The following TLL2 variants were observed in gnomAD, a reference collection of about 807,000 sequenced individuals.
The protein encoded by TLL2 is tolloid like 2.
Under a neutral mutation model 123.0 loss-of-function variants are expected in TLL2, and 106 were observed. The observed-to-expected ratio is 0.86, with a 90% confidence interval of 0.74 to 1.01. The LOEUF (loss-of-function observed/expected upper bound fraction) is 1.01. Ranked by LOEUF, TLL2 falls within the 50% of genes least tolerant of loss-of-function variation. The probability of loss-of-function intolerance (pLI) is 0.00; values close to 1 mark genes in which losing one functional copy is unlikely to be tolerated. For missense variants in TLL2, 1,332 were observed against 1,336.7 expected, an observed-to-expected ratio of 1.00 and a Z score of 0.06; for synonymous variants, 494 against 516.8, an observed-to-expected ratio of 0.96 and a Z score of 0.60.
intron 1 of TLL2, among the ~76,000 whole-genome samples, chr10:96,499,126 A>G (rs890027640): frequency 1.3e-5 from 2 of 152,202 alleles, no homozygotes; most frequent in South Asian, 4.1e-4. Context: ...CAAATAGAAG[A>G]GGGGATTGCT....
At chr10:96,410,877 C>T (rs888931866) in intron 8 of TLL2, among the ~76,000 whole-genome samples, 2 of 152,080 alleles carry the variant, frequency 1.3e-5, no homozygotes, top group Non-Finnish European at 2.9e-5. Context: ...GTGCTTGGCA[C>T]GTAGTGAGTG....
intron 1 of TLL2, among the ~76,000 whole-genome samples, chr10:96,482,737 A>G (rs1847323379): frequency 6.6e-6 from 1 of 152,202 alleles, no homozygotes; most frequent in Admixed American, 6.5e-5. Context: ...CTAGAACTGG[A>G]TTGTAGTTAT....
chr10:96,373,950 A>T (rs1846110670), intron 18 of TLL2, 141 bp from the exon 19 acceptor site: 2 of 687,300 alleles, frequency 2.9e-6, no homozygotes, highest in African/African-American at 1.8e-5. Context: ...TGTGGCCGTG[A>T]TGATGCTTGA....
At chr10:96,375,620 C>G (rs140323788) in intron 18 of TLL2, among the ~76,000 whole-genome samples, 1 of 152,178 alleles carries the variant, frequency 6.6e-6, no homozygotes, top group Admixed American at 6.5e-5. Flanking sequence ...AGTTTCCCCA[C>G]GGGCAGCCCA....
chr10:96,382,589 G>A (rs760574494), intron 16 of TLL2, among the ~76,000 whole-genome samples: 27 of 152,232 alleles, frequency 1.8e-4, no homozygotes, highest in Non-Finnish European at 3.4e-4. Flanking sequence ...TGAGAGATGA[G>A]GCCCTTAAAT....
chr10:96,428,503 G>T, intron 5 of TLL2, 128 bp downstream of exon 5: 1 of 653,472 alleles, frequency 1.5e-6, no homozygotes, highest in Non-Finnish European at 2.6e-6. Flanking sequence ...AGGGCAGAAA[G>T]TTTCTAGCAA....
chr10:96,476,304 C>T lies in TLL2; in HGVS notation c.286+4045G>A, dbSNP rs187029695. 3.1e-3 allele frequency among the ~76,000 whole-genome samples: 449 copies of T among 142,906 alleles called. 3 individuals carry two copies. The highest frequency in any genetic ancestry group is 0.011 in the East Asian group (51 of 4,654). The allele number at this position is 142,906 out of a possible 152,430, so 93.8% of individuals were successfully genotyped here. On this transcript the variant is annotated intron_variant, in intron 2 of 20. Transcript: ENST00000357947. ...CTCACTCTGTCACTCAGATGTAGTGCAGTGGTACGATCTTGGCTAGTGAAA... is the reference window on the plus strand; with the variant it reads ...CTCACTCTGTCACTCAGATGTAGTGTAGTGGTACGATCTTGGCTAGTGAAA...
At chr10:96,475,178 AG>A (rs1847225419) in intron 2 of TLL2, among the ~76,000 whole-genome samples, 1 of 152,222 alleles carries the variant, frequency 6.6e-6, no homozygotes, top group Non-Finnish European at 1.5e-5. Context: ...GGAGTAAGAG[AG>A]ACTAGAGGCA....
At chr10:96,384,188 A>AT (rs1846209267) in intron 16 of TLL2, among the ~76,000 whole-genome samples, 1 of 152,090 alleles carries the variant, frequency 6.6e-6, no homozygotes, top group African/African-American at 2.4e-5. Flanking sequence ...AGAGATCAGG[A>AT]TGATGCAGCT....
At chr10:96,371,313 TC>T (rs1243756063) in intron 19 of TLL2, among the ~76,000 whole-genome samples, 7 of 135,084 alleles carry the variant, frequency 5.2e-5, no homozygotes, top group African/African-American at 2.0e-4. Flanking sequence ...AGAGCAAAAC[TC>T]CGTATCAAAA....
chr10:96,498,721 T>C (rs1285184373), intron 1 of TLL2, among the ~76,000 whole-genome samples: 2 of 152,218 alleles, frequency 1.3e-5, no homozygotes, highest in Admixed American at 1.3e-4. Context: ...ACACATTCTT[T>C]GTCTCTTTTA....
intron 18 of TLL2, chr10:96,374,287 T>G (rs1846113808): frequency 5.8e-6 from 1 of 172,898 alleles, no homozygotes. Context: ...CCCTGTGATG[T>G]GTCTAATCCC....
Position 96,394,167 on chromosome 10 carries a change from G to A in TLL2, c.1726+1020C>T, listed in dbSNP as rs76409939. Among the ~76,000 whole-genome samples, 91 of 152,300 alleles carry A rather than the reference G, an allele frequency of 6.0e-4. 1 individual carries two copies. In the East Asian group the frequency reaches 0.017, roughly 29 times the overall value. ...GATTTCTGTGCTGGCTCAGCCAGGA[G>A]TCCTAGGAGAGGAGGGAAGAGGAGA... On this transcript the variant is annotated intron_variant, in intron 13 of 20. Coordinates refer to ENST00000357947, the MANE Select transcript of TLL2 (RefSeq NM_012465.4).
At chr10:96,505,612 G>A (rs1847571130) in intron 1 of TLL2, among the ~76,000 whole-genome samples, 1 of 152,166 alleles carries the variant, frequency 6.6e-6, no homozygotes, top group Admixed American at 6.5e-5. Context: ...GCCTAGGCAG[G>A]TTTGCCTACA....
At chr10:96,403,097 TAC>T (rs2134066398) in intron 10 of TLL2, among the ~76,000 whole-genome samples, 2 of 152,198 alleles carry the variant, frequency 1.3e-5, no homozygotes, top group South Asian at 4.1e-4. Context: ...GTGAGGACAA[TAC>T]ACTCTCAGCT....
intron 3 of TLL2, among the ~76,000 whole-genome samples, chr10:96,437,715 A>C (rs1285722364): frequency 2.0e-5 from 3 of 152,202 alleles, no homozygotes; most frequent in Non-Finnish European, 2.9e-5. Flanking sequence ...GATTCATCTA[A>C]GTTGTTGCCT....
chr10:96,466,777 C>T (rs1452726038), intron 2 of TLL2, among the ~76,000 whole-genome samples: 5 of 152,188 alleles, frequency 3.3e-5, no homozygotes, highest in Admixed American at 2.0e-4. Flanking sequence ...AGAACCCAGA[C>T]GTTGTGGTTA....
intron 2 of TLL2, among the ~76,000 whole-genome samples, chr10:96,459,075 TAATA>T (rs1051265292): frequency 4.6e-5 from 7 of 152,186 alleles, no homozygotes; most frequent in Non-Finnish European, 7.4e-5. Context: ...TTTATGAAAA[TAATA>T]AATAAGTAAC....
chr10:96,395,424 T>C (rs1187353253), intron 12 of TLL2, 42 bp from the exon 13 acceptor site: 1 of 1,510,010 alleles, frequency 6.6e-7, no homozygotes, highest in Non-Finnish European at 8.8e-7. Context: ...CAGATGGTTC[T>C]GCTTTAAGGT....
Sources: allele counts gnomAD v4.1 joint callset (sites outside exome capture counted in the v4.1 genomes callset), GRCh38; gene constraint gnomAD v4.1.1; transcripts MANE v1.5; gene names NCBI Gene and HGNC (gene_info 2026-07-23, HGNC 2026-07-21).